PRKG1: variants seen among roughly 807,000 people sequenced by gnomAD.
PRKG1 encodes cGMP-dependent protein kinase 1.
Under a neutral mutation model 88.1 loss-of-function variants are expected in PRKG1, and 35 were observed. The observed-to-expected ratio is 0.40, with a 90% CI of 0.30 to 0.53. The LOEUF (loss-of-function observed/expected upper bound fraction) is 0.53. Among genes scored for constraint, PRKG1 ranks in the 20% least tolerant of loss-of-function variants. The pLI, the probability that PRKG1 is intolerant of heterozygous loss-of-function variation, is 0.59. For missense variants in PRKG1, 540 were observed against 839.8 expected (o/e 0.64, Z 4.41); for synonymous variants, 303 against 292.5 (o/e 1.04, Z -0.37).
chr10:51,735,905 A>ATTTT (rs1837262819), intron 3 of PRKG1, among the ~76,000 whole-genome samples: 2 of 62,638 alleles, frequency 3.2e-5, no homozygotes, highest in African/African-American at 6.0e-5. Flanking sequence ...TTATTTATTT[A>ATTTT]TTTTTCCCTC....
chr10:51,561,994 A>G (rs10998147), intron 3 of PRKG1, among the ~76,000 whole-genome samples: 22,183 of 151,934 alleles, frequency 0.15, 1,771 homozygotes, highest in African/African-American at 0.21. Flanking sequence ...AGGCCAAGGC[A>G]GGCAGATCAT....
intron 4 of PRKG1, among the ~76,000 whole-genome samples, chr10:51,825,703 T>C (rs1467601233): frequency 6.6e-6 from 1 of 152,202 alleles, no homozygotes; most frequent in African/African-American, 2.4e-5. Flanking sequence ...ATTTGGTAGA[T>C]GACAGAAAGC....
At chr10:51,429,896 G>A (rs1838708457) in intron 2 of PRKG1, among the ~76,000 whole-genome samples, 1 of 151,806 alleles carries the variant, frequency 6.6e-6, no homozygotes. Context: ...GCATACCAAT[G>A]TACACACAAC....
intron 1 of PRKG1, among the ~76,000 whole-genome samples, chr10:50,997,545 T>C (rs1015346181): frequency 2.0e-4 from 30 of 152,222 alleles, no homozygotes; most frequent in Admixed American, 8.5e-4. Flanking sequence ...TAAAACCTTT[T>C]CTTTTGATAA....
At chr10:51,965,332 G>A (rs1281682228) in intron 5 of PRKG1, among the ~76,000 whole-genome samples, 1 of 152,152 alleles carries the variant, frequency 6.6e-6, no homozygotes, top group Non-Finnish European at 1.5e-5. Context: ...AAAACATGCA[G>A]TATTGGTTTT....
chr10:51,871,371 C>T (rs1416381114), intron 4 of PRKG1, among the ~76,000 whole-genome samples: 1 of 152,188 alleles, frequency 6.6e-6, no homozygotes, highest in Non-Finnish European at 1.5e-5. Context: ...TGTGATCCCA[C>T]GTCTTCTTGC....
At chr10:51,727,140 T>A (rs2132462834) in intron 3 of PRKG1, among the ~76,000 whole-genome samples, 1 of 152,002 alleles carries the variant, frequency 6.6e-6, no homozygotes, top group Middle Eastern at 3.4e-3. Flanking sequence ...TAAACGAATG[T>A]CTTTTAAAGA....
chr10:51,479,678 TTATACTTTG>T (rs1336237995), intron 3 of PRKG1, among the ~76,000 whole-genome samples: 10 of 152,106 alleles, frequency 6.6e-5, no homozygotes, highest in Admixed American at 6.6e-4. Context: ...ACTAGAATAT[TTATACTTTG>T]TATTGATGTT....
chr10:51,581,194 C>T (rs909057963), intron 3 of PRKG1, among the ~76,000 whole-genome samples: 1 of 152,070 alleles, frequency 6.6e-6, no homozygotes, highest in African/African-American at 2.4e-5. Flanking sequence ...GTACAGTATA[C>T]AGAGATAAGA....
intron 2 of PRKG1, among the ~76,000 whole-genome samples, chr10:51,321,664 G>C (rs985568468): frequency 1.3e-5 from 2 of 152,054 alleles, no homozygotes; most frequent in Non-Finnish European, 2.9e-5. Context: ...AAAATAGTTA[G>C]AAAGAATAAA....
At chr10:51,711,750 C>A (rs1200941259) in intron 3 of PRKG1, among the ~76,000 whole-genome samples, 3 of 152,064 alleles carry the variant, frequency 2.0e-5, no homozygotes, top group Non-Finnish European at 4.4e-5. Context: ...GGGTGAGAAA[C>A]CAGATAAGAT....
At chr10:52,192,957 G>T (rs900041559) in intron 9 of PRKG1, among the ~76,000 whole-genome samples, 1 of 151,720 alleles carries the variant, frequency 6.6e-6, no homozygotes, top group African/African-American at 2.4e-5. Flanking sequence ...ATTAATTTTC[G>T]TCTTTGTTAA....
chr10:51,649,597 C>A (rs1191202049), intron 3 of PRKG1, among the ~76,000 whole-genome samples: 1 of 152,106 alleles, frequency 6.6e-6, no homozygotes, highest in African/African-American at 2.4e-5. Flanking sequence ...CTGCAAGTTG[C>A]CCAGGTTCTT....
At chr10:51,206,355 T>A (rs908486835) in intron 2 of PRKG1, among the ~76,000 whole-genome samples, 2 of 151,166 alleles carry the variant, frequency 1.3e-5, no homozygotes, top group East Asian at 3.9e-4. Flanking sequence ...TAGCCAGGCG[T>A]GGGGGTGGGC....
At chr10:51,806,568 A>G (rs1416071633) in intron 4 of PRKG1, among the ~76,000 whole-genome samples, 1 of 152,192 alleles carries the variant, frequency 6.6e-6, no homozygotes, top group Non-Finnish European at 1.5e-5. Flanking sequence ...ACTCCATAAA[A>G]CATCAAGTTC....
intron 9 of PRKG1, among the ~76,000 whole-genome samples, chr10:52,226,345 A>G (rs1266519189): frequency 6.6e-6 from 1 of 152,148 alleles, no homozygotes; most frequent in Non-Finnish European, 1.5e-5. Context: ...CAAGAGAGTT[A>G]GTTAGATTGA....
intron 4 of PRKG1, among the ~76,000 whole-genome samples, chr10:51,886,361 G>A (rs1387008616): frequency 6.6e-6 from 1 of 151,986 alleles, no homozygotes; most frequent in Non-Finnish European, 1.5e-5. Context: ...GGCACTTAAT[G>A]TAAGCCATTT....
chr10:51,134,361 C>T (rs1163951961), intron 1 of PRKG1, among the ~76,000 whole-genome samples: 2 of 152,158 alleles, frequency 1.3e-5, no homozygotes, highest in Non-Finnish European at 2.9e-5. Context: ...CATTAGCTTT[C>T]TCATTTTTAA....
chr10:51,100,425 T>C (rs542587088), intron 1 of PRKG1, among the ~76,000 whole-genome samples: 1 of 152,296 alleles, frequency 6.6e-6, no homozygotes, highest in African/African-American at 2.4e-5. Context: ...CCATGAGATA[T>C]CCATTTCCTG....
Sources: allele counts gnomAD v4.1 joint callset (sites outside exome capture counted in the v4.1 genomes callset), GRCh38; gene constraint gnomAD v4.1.1; transcripts MANE v1.5; gene names NCBI Gene and HGNC (gene_info 2026-07-23, HGNC 2026-07-21).